ZNF444: variants seen among roughly 807,000 people sequenced by gnomAD.
ZNF444 encodes endothelial zinc finger protein 2.
In ZNF444, 8 loss-of-function variants were observed where a neutral mutation model predicts 14.4. The ratio of observed to expected loss-of-function variants is 0.56; its 90% CI spans 0.33 to 1.00. The LOEUF (loss-of-function observed/expected upper bound fraction) is 1.00. Among genes scored for constraint, ZNF444 ranks in the 50% least tolerant of loss-of-function variants. The pLI is 0.03. For synonymous variants in ZNF444, 258 were observed against 235.9 expected, an observed-to-expected ratio of 1.09 and a Z score of -0.86; for missense variants, 510 against 504.8, an observed-to-expected ratio of 1.01 and a Z score of -0.10.
intron 1 of ZNF444, among the ~76,000 whole-genome samples, chr19:56,133,957 G>C (rs374416225): frequency 3.8e-4 from 58 of 152,230 alleles, no homozygotes; most frequent in East Asian, 2.3e-3. Flanking sequence ...AACGTTTCCT[G>C]TTGCCTGGGA....
chr19:56,140,384 T>G (rs1020096773), upstream of ZNF444, among the ~76,000 whole-genome samples: 5 of 152,196 alleles, frequency 3.3e-5, no homozygotes, highest in South Asian at 2.1e-4. Context: ...CAAATATGCT[T>G]CTTCACAGTT....
At chr19:56,139,374 T>C (rs373761033), upstream of ZNF444, among the ~76,000 whole-genome samples, 15 of 151,984 alleles carry the variant, frequency 9.9e-5, no homozygotes, top group Non-Finnish European at 1.8e-4. Context: ...TGATGATAGA[T>C]TGCATGTGGA....
In ZNF444 at chr19:56,159,810, G is replaced by A. The variant is rs1442039630; in HGVS notation, c.593G>A (p.Arg198Gln). The change falls in exon 5 of 5, where the codon CGG (arginine) becomes CAG (glutamine). Residue 198 changes from arginine (R) to glutamine (Q), a missense_variant. By Grantham distance (43) the Arg-to-Gln change is conservative (BLOSUM62 1). Coordinates refer to ENST00000337080, the MANE Select transcript of ZNF444 (RefSeq NM_018337.4). Reference protein sequence around the residue: ...SLKPAHLLRHRQSHSGEKPHA... With the variant: ...SLKPAHLLRHQQSHSGEKPHA... ...AAACCAGCTCACCTGCTGCGCCACC[G>A]GCAGAGCCACTCGGGCGAGAAGCCG... is the stretch of plus-strand genomic sequence containing the variant. 5 of 1,583,590 alleles carry A rather than the reference G, an allele frequency of 3.2e-6. No homozygotes were observed. Among genetic ancestry groups the A allele is most frequent in the East Asian group, 4.6e-5 (2 of 43,694 alleles).
At chr19:56,140,197 A>G (rs1474747580), upstream of ZNF444, among the ~76,000 whole-genome samples, 1 of 152,050 alleles carries the variant, frequency 6.6e-6, no homozygotes, top group East Asian at 1.9e-4. Context: ...TATGGCGCGG[A>G]GTCTTCAGAT....
intron 3 of ZNF444, among the ~76,000 whole-genome samples, chr19:56,153,738 G>A (rs2123525588): frequency 6.6e-6 from 1 of 152,268 alleles, no homozygotes; most frequent in South Asian, 2.1e-4. Flanking sequence ...CCTGGGAGGT[G>A]GGGAGAGGCA....
upstream of ZNF444, chr19:56,140,942 A>C (rs1278219038): frequency 6.6e-6 from 1 of 152,186 alleles, no homozygotes; most frequent in South Asian, 2.1e-4. Flanking sequence ...ACCACTGGGA[A>C]GCCTCCTCGT....
At chr19:56,146,744 G>A (rs952110080) in intron 2 of ZNF444, 146 bp from the exon 3 acceptor site, 38 of 605,068 alleles carry the variant, frequency 6.3e-5, no homozygotes, top group Non-Finnish European at 8.5e-5. Context: ...GCTGAGATCC[G>A]CCACTGCACT....
chr19:56,152,594 C>T (rs569806693), intron 3 of ZNF444, among the ~76,000 whole-genome samples: 1 of 151,560 alleles, frequency 6.6e-6, no homozygotes, highest in African/African-American at 2.4e-5. Flanking sequence ...TGCTGGGTTG[C>T]GTGACGTCTT....
chr19:56,152,483 G>GTTT (rs113205489), intron 3 of ZNF444, among the ~76,000 whole-genome samples: 2 of 122,548 alleles, frequency 1.6e-5, no homozygotes, highest in Non-Finnish European at 3.6e-5. Flanking sequence ...CCAGGGTTTT[G>GTTT]TTTTTTTTTT....
Position 56,147,717 on chromosome 19 carries a change from C to G in ZNF444, c.297+509C>G, listed in dbSNP as rs1291339114. Among the ~76,000 whole-genome samples, 1 of 152,166 alleles carries G rather than the reference C, an allele frequency of 6.6e-6. No homozygotes were observed. The highest frequency in any genetic ancestry group is 1.5e-5 in the Non-Finnish European group (1 of 68,022). On this transcript the variant is annotated intron_variant, in intron 3 of 4. Transcript: ENST00000337080. This position sits in a 1 kb window ranked among gnomAD's most constrained non-coding sequence, Gnocchi z 5.9. ...ATACCCCCTGGTCCAAACTCTACCC[C>G]AAATTCATCTTGCTTTTGGGCTGGC... is the stretch of plus-strand genomic sequence containing the variant.
intron 1 of ZNF444, chr19:56,143,415 G>A (rs1279837865): frequency 1.3e-5 from 2 of 152,242 alleles, no homozygotes; most frequent in Non-Finnish European, 1.5e-5. Context: ...AGCAGAGCAG[G>A]CATCTGTGTG....
In ZNF444 at chr19:56,158,477, CTG is replaced by C; in HGVS notation, c.298-14_298-13del. On this transcript the variant is annotated splice_polypyrimidine_tract_variant and intron_variant, in intron 3 of 4. Coordinates refer to ENST00000337080, the MANE Select transcript of ZNF444 (RefSeq NM_018337.4). ...CTTGCTCAGGTTTCTGAGTTCAAAA[CTG>C]TGCTCTCATTTCAGGGGCCAGCAGC... 1 of 1,595,376 alleles carries C rather than the reference CTG, an allele frequency of 6.3e-7. No individual in the cohort carries two copies. The highest frequency in any genetic ancestry group is 8.5e-7 in the Non-Finnish European group (1 of 1,172,156).
Position 56,147,115 on chromosome 19 carries a change from C to T in ZNF444, c.204C>T (p.Phe68=). Residue 68 remains phenylalanine, a synonymous_variant, in exon 3 of 5, where the codon TTC becomes TTT. Transcript: ENST00000337080. This position sits in a 1 kb window ranked among gnomAD's most constrained non-coding sequence, Gnocchi z 5.9. ...QMLELLVLEQ[F]LSALPADTQA... is the part of the protein sequence containing the mutation. ...TGGAGCTGCTGGTGCTGGAACAGTT[C>T]CTGAGCGCGCTGCCCGCCGACACGC... is the stretch of plus-strand genomic sequence containing the variant. 6.3e-7 allele frequency: 1 copy of T among 1,578,214 alleles called. No homozygotes were observed. Among genetic ancestry groups the T allele is most frequent in the South Asian group, 1.1e-5 (1 of 87,404 alleles).
In ZNF444 at chr19:56,144,797, C is replaced by T. The variant is rs2031066038; in HGVS notation, c.-196-1450C>T. On this transcript the variant is annotated intron_variant, in intron 1 of 4. Coordinates refer to ENST00000337080, the MANE Select transcript of ZNF444 (RefSeq NM_018337.4). The surrounding 1 kb of genome is among the most constrained non-coding windows in gnomAD (Gnocchi z 4.0). ...TAATGAAGAGACCCCAAGTACAGGGCTCCACATAGGACAGAACTGATTCTT... is the reference window on the plus strand; with the variant it reads ...TAATGAAGAGACCCCAAGTACAGGGTTCCACATAGGACAGAACTGATTCTT... Among the ~76,000 whole-genome samples, 1 of 152,228 alleles carries T rather than the reference C, an allele frequency of 6.6e-6. No individual in the cohort carries two copies. Among genetic ancestry groups the T allele is most frequent in the Non-Finnish European group, 1.5e-5 (1 of 68,032 alleles).
chr19:56,157,630 C>T (rs908946858), intron 3 of ZNF444: 2 of 152,248 alleles, frequency 1.3e-5, no homozygotes, highest in Non-Finnish European at 2.9e-5. Context: ...GTCTCAAGCT[C>T]CTCACCTTGT....
intron 1 of ZNF444, among the ~76,000 whole-genome samples, chr19:56,133,674 G>T (rs959612507): frequency 6.6e-6 from 1 of 151,432 alleles, no homozygotes. Context: ...TTAGCCGGGC[G>T]TGGTGGCGGG....
At chr19:56,159,063 C>T (rs557164996) in intron 4 of ZNF444, among the ~76,000 whole-genome samples, 47 of 151,450 alleles carry the variant, frequency 3.1e-4, no homozygotes, top group Middle Eastern at 3.4e-3. Flanking sequence ...ACCCATCATC[C>T]GTCCATCCAT....
intron 1 of ZNF444, among the ~76,000 whole-genome samples, chr19:56,143,109 C>T (rs1568549439): frequency 6.6e-6 from 1 of 152,206 alleles, no homozygotes; most frequent in African/African-American, 2.4e-5. Context: ...AGCAGGGTTA[C>T]AGCTGTTGAA....
In ZNF444 at chr19:56,160,244, C is replaced by G. The variant is rs1156801472; in HGVS notation, c.*43C>G. ...CCATCTCCCGCCCTTGGTGCTGCCC[C>G]CGGGCGGTACCTGCTCTCTCCCAGC... On this transcript the variant is annotated 3_prime_UTR_variant, in exon 5 of 5. Coordinates refer to ENST00000337080, the MANE Select transcript of ZNF444 (RefSeq NM_018337.4). 1 of 1,375,098 alleles carries G rather than the reference C, an allele frequency of 7.3e-7. No homozygotes were observed. The highest frequency in any genetic ancestry group is 9.4e-7 in the Non-Finnish European group (1 of 1,066,872). 85.2% of individuals were successfully genotyped at this position (1,375,098 alleles called of 1,614,324 possible). A position where few individuals can be genotyped will look rare whatever the true frequency, so the allele number is the denominator to read the frequency against.
Sources: allele counts gnomAD v4.1 joint callset (sites outside exome capture counted in the v4.1 genomes callset), GRCh38; gene constraint gnomAD v4.1.1; non-coding constraint Gnocchi (gnomAD v3.1); transcripts MANE v1.5; gene names NCBI Gene and HGNC (gene_info 2026-07-23, HGNC 2026-07-21).